The following FBP2 variants were observed in gnomAD, a reference collection of about 807,000 sequenced individuals.
FBP2 encodes the protein fructose-bisphosphatase 2, also known as fructose-1,6-bisphosphatase isozyme 2.
Under a neutral mutation model 31.6 loss-of-function variants are expected in FBP2, and 27 were observed. The ratio of observed to expected loss-of-function variants is 0.85; its 90% confidence interval spans 0.63 to 1.18. The LOEUF is 1.18. Ranked by LOEUF, FBP2 falls within the 50% of genes most tolerant of loss-of-function variation. The probability of loss-of-function intolerance (pLI) is 0.00; values close to 1 mark genes in which losing one functional copy is unlikely to be tolerated. For synonymous variants in FBP2, 168 were observed against 179.8 expected (o/e 0.93, Z 0.53); for missense variants, 421 against 436.1 (o/e 0.97, Z 0.31).
chr9:94,564,029 C>A (rs57542536), intron 5 of FBP2, among the ~76,000 whole-genome samples: 13,445 of 152,184 alleles, frequency 0.088, 1,161 homozygotes, highest in African/African-American at 0.21. Context: ...GACACCCCCC[C>A]ACAATAATAG....
At chr9:94,564,658 G>T (rs10821369) in intron 5 of FBP2, among the ~76,000 whole-genome samples, 101,357 of 151,788 alleles carry the variant, frequency 0.67, 34,505 homozygotes, top group African/African-American at 0.79. Context: ...TGGGGCCTAC[G>T]TGAGGGTGGA....
rs1827529024 is a variant in FBP2 at position 94,593,812 on chromosome 9, A to T, written c.-86T>A. On this transcript the variant is annotated 5_prime_UTR_variant, in exon 1 of 7. Coordinates refer to ENST00000375337, the MANE Select transcript of FBP2 (RefSeq NM_003837.4). ...CTGCAGCTCCGCAGTGTGGAAGCCGATAAGAAATCTGTGCTGGCCCTGCCA... is the reference window on the plus strand; with the variant it reads ...CTGCAGCTCCGCAGTGTGGAAGCCGTTAAGAAATCTGTGCTGGCCCTGCCA... 1 of 1,467,074 alleles carries T rather than the reference A, an allele frequency of 6.8e-7. No homozygotes were observed. Among genetic ancestry groups the T allele is most frequent in the African/African-American group, 1.4e-5 (1 of 71,458 alleles). 90.9% of individuals were successfully genotyped at this position (1,467,074 alleles called of 1,614,324 possible).
chr9:94,584,072 G>A (rs549442271), intron 3 of FBP2, among the ~76,000 whole-genome samples: 2 of 152,284 alleles, frequency 1.3e-5, no homozygotes, highest in East Asian at 1.9e-4. Flanking sequence ...CCAGTCCCCA[G>A]GATCTGTGAA....
At chr9:94,563,503 A>G (rs1470184573) in intron 5 of FBP2, 42 bp from the exon 6 acceptor site, 3 of 1,595,140 alleles carry the variant, frequency 1.9e-6, no homozygotes, top group Non-Finnish European at 2.6e-6. Context: ...AGTGGCTTTC[A>G]GGATTAGCCA....
At chr9:94,589,211 C>T (rs766356424) in intron 1 of FBP2, among the ~76,000 whole-genome samples, 4 of 152,174 alleles carry the variant, frequency 2.6e-5, no homozygotes, top group Non-Finnish European at 5.9e-5. Context: ...TCAGCCACCC[C>T]GCCACCCTCT....
At chr9:94,569,803 A>G (rs1564182758) in intron 4 of FBP2, 2 of 152,172 alleles carry the variant, frequency 1.3e-5, no homozygotes, top group Non-Finnish European at 2.9e-5. Flanking sequence ...TGCCTGAACA[A>G]TATGTGTGTT....
chr9:94,570,534 T>C (rs1203396071), intron 4 of FBP2: 1 of 152,236 alleles, frequency 6.6e-6, no homozygotes, highest in Non-Finnish European at 1.5e-5. Context: ...ATTATCTAAC[T>C]CTTAGCTGTT....
intron 1 of FBP2, among the ~76,000 whole-genome samples, chr9:94,591,020 CCTGAGCTAGATATAAAGACT>C (rs60075761): frequency 0.075 from 11,371 of 152,264 alleles, 403 homozygotes; most frequent in East Asian, 0.24. Flanking sequence ...ATTTACAATC[CCTGAGCTAGATATAAAGACT>C]CTCCACGTCC....
chr9:94,572,897 G>A (rs1827283823), intron 3 of FBP2: 1 of 152,092 alleles, frequency 6.6e-6, no homozygotes, highest in Non-Finnish European at 1.5e-5. Flanking sequence ...TAGAAATCTA[G>A]TTGATTTTGT....
At chr9:94,591,189 C>G (rs564267635) in intron 1 of FBP2, among the ~76,000 whole-genome samples, 2 of 152,226 alleles carry the variant, frequency 1.3e-5, no homozygotes, top group African/African-American at 4.8e-5. Context: ...CGCTGTGGAG[C>G]GGGGGGTGGC....
chr9:94,591,341 A>G (rs1029335479), intron 1 of FBP2, among the ~76,000 whole-genome samples: 13 of 152,236 alleles, frequency 8.5e-5, no homozygotes, highest in Admixed American at 1.3e-4. Context: ...CCAGTGGGCC[A>G]GCACTGCTGG....
intron 1 of FBP2, among the ~76,000 whole-genome samples, chr9:94,588,795 C>G (rs1346027641): frequency 1.3e-5 from 2 of 152,192 alleles, no homozygotes; most frequent in Non-Finnish European, 2.9e-5. Flanking sequence ...GTGTCAGGCA[C>G]CACCGTGGAA....
chr9:94,578,534 TTTAC>T (rs1452839098), intron 3 of FBP2, among the ~76,000 whole-genome samples: 5 of 152,090 alleles, frequency 3.3e-5, no homozygotes, highest in African/African-American at 1.2e-4. Flanking sequence ...GGATGTCTGG[TTTAC>T]TTCTAATTTT....
At chr9:94,571,386 A>T in intron 4 of FBP2, 76 bp downstream of exon 4, 1 of 1,399,582 alleles carries the variant, frequency 7.1e-7, no homozygotes, top group Non-Finnish European at 9.6e-7. Context: ...CCAGGACATT[A>T]TCGCAGAGAA....
chr9:94,560,290 G>A (rs892429932), intron 6 of FBP2, among the ~76,000 whole-genome samples: 4 of 152,342 alleles, frequency 2.6e-5, no homozygotes, highest in Admixed American at 2.6e-4. Context: ...CCTCCTGCAG[G>A]CACATGAGAA....
In FBP2 at chr9:94,567,391, A is replaced by G; in HGVS notation, c.584T>C (p.Val195Ala). 6.2e-7 allele frequency: 1 copy of G among 1,614,138 alleles called. No homozygotes were observed. The highest frequency in any genetic ancestry group is 1.1e-5 in the South Asian group (1 of 91,084). ...FMLDPALGEFVLVEKDVKIKK... is the reference protein window; with the variant it reads ...FMLDPALGEFALVEKDVKIKK... The stretch of plus-strand genomic sequence containing the variant: ...AATCTTGACATCTTTTTCCACCAGG[A>G]CAAATTCACCAAGAGCCTAGCAACA... The change falls in exon 5 of 7, where the codon GTC becomes GCC. Residue 195 changes from valine to alanine, a missense_variant. By Grantham distance (64) the Val-to-Ala change is moderately conservative. Transcript: ENST00000375337.
Position 94,559,187 on chromosome 9 carries a change from G to T in FBP2, c.826-55C>A. 6 of 1,510,102 alleles carry T rather than the reference G, an allele frequency of 4.0e-6. No individual in the cohort carries two copies. In the South Asian group the frequency reaches 4.7e-5, roughly 12 times the overall value. The allele number at this position is 1,510,102 out of a possible 1,614,324, so 93.5% of individuals were successfully genotyped here. ...CTCTGCAAGTGGCCAAATGTCCCGAGCCATGCCCCTAAAGCTGGGGGAGGA... is the reference window on the plus strand; with the variant it reads ...CTCTGCAAGTGGCCAAATGTCCCGATCCATGCCCCTAAAGCTGGGGGAGGA... On this transcript the variant is annotated intron_variant, in intron 6 of 6. Transcript: ENST00000375337.
chr9:94,591,056 A>G (rs1827493537), intron 1 of FBP2, among the ~76,000 whole-genome samples: 1 of 152,262 alleles, frequency 6.6e-6, no homozygotes, highest in Admixed American at 6.5e-5. Flanking sequence ...CGTCCCCACC[A>G]GACTCAGGAG....
chr9:94,560,538 C>T (rs942118534), intron 6 of FBP2, among the ~76,000 whole-genome samples: 11 of 152,028 alleles, frequency 7.2e-5, no homozygotes, highest in Non-Finnish European at 1.5e-4. Context: ...GTGTAACTTC[C>T]CAAAAGTTCA....
Sources: gnomAD v4.1 joint callset for allele counts (sites outside exome capture counted in the v4.1 genomes callset) on GRCh38, gnomAD v4.1.1 for gene constraint, MANE v1.5 for transcripts, NCBI Gene and HGNC (gene_info 2026-07-23, HGNC 2026-07-21) for gene names.